Variants in LRRC36 observed in about 807,000 individuals in gnomAD.
LRRC36 encodes the protein leucine rich repeat containing 36, also known as leucine-rich repeat-containing protein 36.
LRRC36 carries 62 observed loss-of-function variants against 81.1 expected under a neutral mutation model. The ratio of observed to expected loss-of-function variants is 0.76; its 90% confidence interval spans 0.62 to 0.94. The LOEUF (loss-of-function observed/expected upper bound fraction) is 0.94. LRRC36 is among the 40% of genes least tolerant of loss of function. LRRC36 has a pLI of 0.00. For missense variants in LRRC36, 761 were observed against 881.7 expected (o/e 0.86, Z 1.73); for synonymous variants, 334 against 348.6 (o/e 0.96, Z 0.47).
chr16:67,335,583 A>C (rs935064199), intron 1 of LRRC36, among the ~76,000 whole-genome samples: 1 of 152,236 alleles, frequency 6.6e-6, no homozygotes, highest in African/African-American at 2.4e-5. Flanking sequence ...TTAAGAGATT[A>C]AAGTAAAGAC....
At chr16:67,333,099 T>C (rs1309000025) in intron 1 of LRRC36, among the ~76,000 whole-genome samples, 1 of 151,922 alleles carries the variant, frequency 6.6e-6, no homozygotes, top group East Asian at 1.9e-4. Flanking sequence ...TTTAAAAAGA[T>C]ATAATTCACA....
At chr16:67,344,366 C>G (rs1048225462) in intron 2 of LRRC36, among the ~76,000 whole-genome samples, 2 of 152,090 alleles carry the variant, frequency 1.3e-5, no homozygotes, top group Non-Finnish European at 2.9e-5. Flanking sequence ...AGGAGGATCA[C>G]TTGAGGCAAG....
Position 67,359,146 on chromosome 16 carries a change from T to G in LRRC36, c.578-4444T>G, listed in dbSNP as rs367581174. Among the ~76,000 whole-genome samples the G allele has an allele frequency of 2.0e-3, 299 of 152,276 alleles. 11 individuals carry two copies. In the South Asian group the frequency reaches 0.059, roughly 30 times the overall value. ...CAAAAAGTTAAACATAGAGTTAAAT[T>G]TGATCCAGCAATTCCACTCCTAGGT... On this transcript the variant is annotated intron_variant, in intron 5 of 13. Transcript: ENST00000329956.
chr16:67,332,328 C>G (rs551190136), intron 1 of LRRC36, among the ~76,000 whole-genome samples: 6 of 152,164 alleles, frequency 3.9e-5, no homozygotes, highest in Admixed American at 2.0e-4. Flanking sequence ...CTGAGGAGGG[C>G]GAATCACGAG....
chr16:67,372,285 A>G (rs1302696003), intron 9 of LRRC36, among the ~76,000 whole-genome samples: 1 of 151,652 alleles, frequency 6.6e-6, no homozygotes, highest in Non-Finnish European at 1.5e-5. Context: ...TGAACCTGGG[A>G]GGCGGAGGTT....
At chr16:67,362,268 T>G (rs377478214) in intron 5 of LRRC36, 1 of 443,222 alleles carries the variant, frequency 2.3e-6, no homozygotes, top group Admixed American at 2.5e-5. Flanking sequence ...GTTCAAGCAG[T>G]TCTCCTGCCT....
intron 5 of LRRC36, among the ~76,000 whole-genome samples, chr16:67,360,906 T>G (rs1382893143): frequency 6.6e-6 from 1 of 151,952 alleles, no homozygotes; most frequent in African/African-American, 2.4e-5. Context: ...GGAAAAAAAT[T>G]CCTTAAACAA....
chr16:67,361,220 G>A (rs1295567243), intron 5 of LRRC36, among the ~76,000 whole-genome samples: 2 of 151,968 alleles, frequency 1.3e-5, no homozygotes, highest in Admixed American at 1.3e-4. Flanking sequence ...CAATAGAGAT[G>A]GGGGTCTCAC....
chr16:67,366,303 A>G (rs1313299612), intron 7 of LRRC36, among the ~76,000 whole-genome samples: 20 of 151,908 alleles, frequency 1.3e-4, no homozygotes, highest in Admixed American at 8.5e-4. Flanking sequence ...GACTACCACC[A>G]CACCTGGCTA....
At chr16:67,336,578 A>C (rs562240850) in intron 1 of LRRC36, 22 of 151,618 alleles carry the variant, frequency 1.5e-4, no homozygotes, top group African/African-American at 5.1e-4. Flanking sequence ...GATGTTGACC[A>C]TTTTTTTCAT....
At chr16:67,332,273 G>A (rs932119134) in intron 1 of LRRC36, among the ~76,000 whole-genome samples, 1 of 152,128 alleles carries the variant, frequency 6.6e-6, no homozygotes, top group African/African-American at 2.4e-5. Flanking sequence ...CACTGAAACG[G>A]CCAGGCGCGG....
intron 9 of LRRC36, among the ~76,000 whole-genome samples, chr16:67,373,707 CAAAAA>C (rs552146686): frequency 5.7e-5 from 2 of 35,394 alleles, no homozygotes; most frequent in Non-Finnish European, 1.4e-4. Flanking sequence ...GACTCTGTCT[CAAAAA>C]AAAAAAAAAA....
chr16:67,339,627 T>G (rs1270528943), intron 1 of LRRC36, among the ~76,000 whole-genome samples: 1 of 152,216 alleles, frequency 6.6e-6, no homozygotes, highest in Admixed American at 6.5e-5. Flanking sequence ...TTTTTTAGTT[T>G]CAAGGTTTTG....
intron 1 of LRRC36, among the ~76,000 whole-genome samples, chr16:67,334,526 T>C (rs2037663624): frequency 6.6e-6 from 1 of 151,870 alleles, no homozygotes; most frequent in Non-Finnish European, 1.5e-5. Flanking sequence ...GGTTTCACCA[T>C]GTTGGCCAGG....
At chr16:67,358,528 T>C (rs2039003240) in intron 5 of LRRC36, among the ~76,000 whole-genome samples, 1 of 151,510 alleles carries the variant, frequency 6.6e-6, no homozygotes, top group Non-Finnish European at 1.5e-5. Context: ...AGCTATTTTA[T>C]TTTTTGTGGA....
intron 5 of LRRC36, among the ~76,000 whole-genome samples, chr16:67,356,572 G>C (rs919026884): frequency 6.6e-6 from 1 of 152,150 alleles, no homozygotes; most frequent in East Asian, 1.9e-4. Context: ...CCTGTGTTGG[G>C]GGTAGGCAGA....
At chr16:67,328,808 C>CCT (rs1234316428) in intron 1 of LRRC36, among the ~76,000 whole-genome samples, 1 of 151,840 alleles carries the variant, frequency 6.6e-6, no homozygotes, top group African/African-American at 2.4e-5. Context: ...GTATACCTCA[C>CCT]CTATCCTCCA....
chr16:67,326,900 G>A lies in LRRC36; in HGVS notation c.38G>A (p.Arg13His). The change falls in exon 1 of 14, where the codon CGC becomes CAC. Residue 13 changes from arginine (R) to histidine (H), a missense_variant. Coordinates refer to ENST00000329956, the MANE Select transcript of LRRC36 (RefSeq NM_018296.6). ...EQWELDEEGI[R>H]RLGALTLEQP... ...TGGGAGCTGGACGAGGAAGGCATTC[G>A]CCGCCTGGGGGCGCTGACGCTGGAG... The A allele has an allele frequency of 1.4e-6, 2 of 1,473,912 alleles. No homozygotes were observed. Among genetic ancestry groups the A allele is most frequent in the Admixed American group, 3.1e-5 (1 of 32,268 alleles). The allele number at this position is 1,473,912 out of a possible 1,614,324, so 91.3% of individuals were successfully genotyped here. A position where few individuals can be genotyped will look rare whatever the true frequency, so the allele number is the denominator to read the frequency against.
chr16:67,362,093 TA>T (rs11436247), intron 5 of LRRC36: 3 of 350,392 alleles, frequency 8.6e-6, no homozygotes, highest in Admixed American at 3.6e-5. Context: ...ATGTAAAAAT[TA>T]AAAAAAACAA....
Sources: allele counts gnomAD v4.1 joint callset (sites outside exome capture counted in the v4.1 genomes callset), GRCh38; gene constraint gnomAD v4.1.1; transcripts MANE v1.5; gene names NCBI Gene and HGNC (gene_info 2026-07-23, HGNC 2026-07-21).